The following RALGAPA2 variants were observed in gnomAD, a reference collection of about 807,000 sequenced individuals.
RALGAPA2 encodes ral GTPase-activating protein subunit alpha-2.
Under a neutral mutation model 230.4 loss-of-function variants are expected in RALGAPA2, and 139 were observed. The ratio of observed to expected loss-of-function variants is 0.60; its 90% CI spans 0.53 to 0.69. The LOEUF is 0.69. Among genes scored for constraint, RALGAPA2 ranks in the 30% least tolerant of loss-of-function variants. RALGAPA2 has a pLI of 0.00. For missense variants in RALGAPA2, 2,163 were observed against 2,276.0 expected (o/e 0.95, Z 1.01); for synonymous variants, 847 against 837.8 (o/e 1.01, Z -0.19).
At chr20:20,603,689 T>C (rs1345244133) in intron 15 of RALGAPA2, among the ~76,000 whole-genome samples, 1 of 152,208 alleles carries the variant, frequency 6.6e-6, no homozygotes, top group African/African-American at 2.4e-5. Flanking sequence ...GCTGACTATT[T>C]CACAGCGTGG....
chr20:20,544,438 C>T (rs973045713), intron 24 of RALGAPA2, among the ~76,000 whole-genome samples: 3 of 151,974 alleles, frequency 2.0e-5, no homozygotes, highest in Non-Finnish European at 4.4e-5. Context: ...TTAGTTCAAC[C>T]GTTGTGGAAG....
intron 9 of RALGAPA2, among the ~76,000 whole-genome samples, chr20:20,633,012 T>C (rs1186386345): frequency 6.8e-6 from 1 of 147,824 alleles, no homozygotes; most frequent in Non-Finnish European, 1.5e-5. Context: ...TGGGTCTTTC[T>C]CTCTCTCTCT....
intron 3 of RALGAPA2, chr20:20,659,749 G>T: frequency 1.2e-6 from 1 of 857,806 alleles, no homozygotes; most frequent in South Asian, 1.3e-5. Flanking sequence ...TGACACTGGG[G>T]ACCATGCTCA....
chr20:20,676,285 T>C lies in RALGAPA2; in HGVS notation c.221A>G (p.Asn74Ser), dbSNP rs1026433237. 6.4e-7 allele frequency: 1 copy of C among 1,560,310 alleles called. No homozygotes were observed. Residue 74 changes from asparagine (N) to serine (S), a missense_variant, in exon 3 of 40, where the codon AAT (asparagine) becomes AGT (serine). Transcript: ENST00000202677. ...CAGCTCCTCCCTTTGTGACTTATTA[T>C]TCCCTGGAATATTAAAAAATAATTA... is the stretch of plus-strand genomic sequence containing the variant. Reference protein sequence around the residue: ...ALENSLKLKGNNKSQREELDS... With the variant: ...ALENSLKLKGSNKSQREELDS...
intron 1 of RALGAPA2, among the ~76,000 whole-genome samples, chr20:20,686,340 G>C (rs2068697640): frequency 6.6e-6 from 1 of 152,192 alleles, no homozygotes; most frequent in African/African-American, 2.4e-5. Flanking sequence ...GAGGTCAGGA[G>C]TTCAAGACCA....
chr20:20,518,786 G>A (rs1437514079), intron 31 of RALGAPA2, among the ~76,000 whole-genome samples: 5 of 152,080 alleles, frequency 3.3e-5, no homozygotes, highest in Non-Finnish European at 7.4e-5. Context: ...ACCTATTTTA[G>A]GGATAGCCAT....
At chr20:20,411,286 A>G (rs1050826639) in intron 38 of RALGAPA2, among the ~76,000 whole-genome samples, 4 of 152,228 alleles carry the variant, frequency 2.6e-5, no homozygotes, top group Non-Finnish European at 5.9e-5. Context: ...TTTACAAGTA[A>G]TAATTCTATT....
rs553347137 is a variant in RALGAPA2, at chr20:20,658,792, A to G, written c.271-5205T>C. 2.0e-5 allele frequency among the ~76,000 whole-genome samples: 3 copies of G among 152,364 alleles called. No homozygotes were observed. The South Asian group carries it at 6.2e-4, about 32-fold the overall frequency. The stretch of plus-strand genomic sequence containing the variant: ...TACACAAGATGCTATAGTCTACTTT[A>G]TAACTGCTGGTCTTCTGATTTGTGT... On this transcript the variant is annotated intron_variant, in intron 3 of 39. Transcript: ENST00000202677.
chr20:20,570,448 T>C (rs1181605735), intron 23 of RALGAPA2, among the ~76,000 whole-genome samples: 1 of 152,198 alleles, frequency 6.6e-6, no homozygotes, highest in Non-Finnish European at 1.5e-5. Context: ...GAAAGGACAG[T>C]TACTTGATAG....
chr20:20,708,661 A>T (rs2069708736), intron 1 of RALGAPA2, among the ~76,000 whole-genome samples: 1 of 152,220 alleles, frequency 6.6e-6, no homozygotes, highest in South Asian at 2.1e-4. Context: ...CTTTATTAGC[A>T]GAGTGAGAAC....
chr20:20,498,579 C>T (rs1439720235), intron 35 of RALGAPA2, among the ~76,000 whole-genome samples: 1 of 152,190 alleles, frequency 6.6e-6, no homozygotes, highest in Non-Finnish European at 1.5e-5. Context: ...TCCTGCTCCT[C>T]AGTGGGCCCG....
chr20:20,658,425 T>C (rs547711768), intron 3 of RALGAPA2, among the ~76,000 whole-genome samples: 1 of 152,356 alleles, frequency 6.6e-6, no homozygotes, highest in Admixed American at 6.5e-5. Flanking sequence ...GCATTTCTTC[T>C]ACTGCAGCCA....
intron 23 of RALGAPA2, among the ~76,000 whole-genome samples, chr20:20,547,330 G>A (rs757853397): frequency 1.2e-4 from 18 of 152,188 alleles, no homozygotes; most frequent in African/African-American, 1.9e-4. Context: ...CTAAGGTGAC[G>A]TTGTAATCAG....
At chr20:20,471,427 T>C (rs2061537990) in intron 37 of RALGAPA2, 1 of 151,374 alleles carries the variant, frequency 6.6e-6, no homozygotes. Context: ...TTTTTTTTTT[T>C]TTTTTTTTTG....
intron 18 of RALGAPA2, 55 bp from the exon 19 acceptor site, chr20:20,585,010 G>T: frequency 8.2e-7 from 1 of 1,219,444 alleles, no homozygotes; most frequent in Non-Finnish European, 1.2e-6. Flanking sequence ...ATTGTTATAA[G>T]ACTTAAGTTT....
intron 15 of RALGAPA2, among the ~76,000 whole-genome samples, chr20:20,602,813 CGTGTGTGT>C (rs35087554): frequency 0.049 from 7,277 of 147,756 alleles, 242 homozygotes; most frequent in African/African-American, 0.091. Context: ...GAATGGCAGG[CGTGTGTGT>C]GTGTGTGTGT....
At position 20,571,846 on chromosome 20, in the gene RALGAPA2, GC is replaced by G. The variant is rs1251080496; in HGVS notation, c.3000+1del. The G allele has an allele frequency of 6.2e-7, 1 of 1,600,084 alleles. No homozygotes were observed. The highest frequency in any genetic ancestry group is 8.6e-7 in the Non-Finnish European group (1 of 1,169,174). ...TAAAGGAATAAACACATATCCACTT[GC>G]CTTAAACAGCCATGATGCAAACATT... On this transcript the variant is annotated splice_donor_variant, in intron 22 of 39. Transcript: ENST00000202677. LOFTEE classifies it high-confidence loss of function.
At position 20,392,332 on chromosome 20, in the gene RALGAPA2, G is replaced by C. The variant is rs2122575841; in HGVS notation, c.*957C>G. 6.6e-6 allele frequency: 1 copy of C among 152,368 alleles called. No individual in the cohort carries two copies. Among genetic ancestry groups the C allele is most frequent in the South Asian group, 2.1e-4 (1 of 4,832 alleles). 9.4% of individuals were successfully genotyped at this position (152,368 alleles called of 1,614,324 possible). ...GAAACATTTCTGAGGCCTGTGTGAG[G>C]CCTCTCTGGGCAACAGACAGGAGCA... On this transcript the variant is annotated 3_prime_UTR_variant, in exon 40 of 40. Transcript: ENST00000202677.
chr20:20,589,134 C>A, intron 18 of RALGAPA2, 134 bp downstream of exon 18: 1 of 1,208,248 alleles, frequency 8.3e-7, no homozygotes, highest in Non-Finnish European at 1.1e-6. Context: ...AAGATCTCAA[C>A]ATCATTTGGG....
Sources: allele counts gnomAD v4.1 joint callset (sites outside exome capture counted in the v4.1 genomes callset), GRCh38; gene constraint gnomAD v4.1.1; transcripts MANE v1.5; gene names NCBI Gene and HGNC (gene_info 2026-07-23, HGNC 2026-07-21).